Variants in SORCS2 observed in about 807,000 individuals in gnomAD.
SORCS2 encodes sortilin related VPS10 domain containing receptor 2.
SORCS2 carries 100 observed loss-of-function variants against 141.6 expected under a neutral mutation model. That is an observed-to-expected ratio of 0.71 (90% CI 0.60 to 0.83). The LOEUF (loss-of-function observed/expected upper bound fraction) is 0.83, where lower values mean the gene tolerates loss of function less well. Ranked by LOEUF, SORCS2 falls within the 40% of genes least tolerant of loss-of-function variation. SORCS2 has a pLI of 0.00. For synonymous variants in SORCS2, 789 were observed against 676.9 expected, an observed-to-expected ratio of 1.17 and a Z score of -2.57; for missense variants, 1,646 against 1,560.2, an observed-to-expected ratio of 1.05 and a Z score of -0.93.
In SORCS2 at chr4:7,324,441, C is replaced by T. The variant is rs561807359; in HGVS notation, c.481-71847C>T. Among the ~76,000 whole-genome samples, 7 of 152,324 alleles carry T rather than the reference C, an allele frequency of 4.6e-5. No homozygotes were observed. In the South Asian group the frequency reaches 8.3e-4, roughly 18 times the overall value. ...CTGGGCAACAGGCCGGGGAAGGGAC[C>T]GTCTGCCGGCGTCACCATCTCCGCC... On this transcript the variant is annotated intron_variant, in intron 1 of 26. Transcript: ENST00000507866.
In SORCS2 at chr4:7,641,246, C is replaced by G. The variant is rs150462736; in HGVS notation, c.813+2754C>G. Among the ~76,000 whole-genome samples the G allele has an allele frequency of 1.4e-3, 208 of 152,298 alleles. 1 individual carries two copies. The highest frequency in any genetic ancestry group is 4.8e-3 in the African/African-American group (200 of 41,560). On this transcript the variant is annotated intron_variant, in intron 4 of 26. Transcript: ENST00000507866. ...TTTATGAAGAAAGAGGTTTAATTGA[C>G]TCAAAGTTCCACATGGGTGGGGAGG...
chr4:7,294,526 G>C (rs1716820672), intron 1 of SORCS2, among the ~76,000 whole-genome samples: 1 of 149,028 alleles, frequency 6.7e-6, no homozygotes, highest in Admixed American at 6.6e-5. Flanking sequence ...GCCCCAGGGA[G>C]CTCCTCCTCC....
At chr4:7,474,536 C>T (rs1730173578) in intron 2 of SORCS2, among the ~76,000 whole-genome samples, 1 of 152,012 alleles carries the variant, frequency 6.6e-6, no homozygotes, top group Non-Finnish European at 1.5e-5. Flanking sequence ...CAGCAGGGGG[C>T]TCGGAGCAAG....
chr4:7,192,745 G>T lies in SORCS2; in HGVS notation c.99G>T (p.Ser33=). ...GAPPPPRSPR[S]RPLLLLLLLL... ...CGCCGCCGCCGCGCTCGCCGCGCTC[G>T]CGGCCGCTCCTGCTGCTGCTGCTGC... Residue 33 remains serine, a synonymous_variant, in exon 1 of 27, where the codon TCG becomes TCT. Coordinates refer to ENST00000507866, the MANE Select transcript of SORCS2 (RefSeq NM_020777.3). The surrounding 1 kb of genome is among the most constrained non-coding windows in gnomAD (Gnocchi z 4.0). 1.0e-6 allele frequency: 1 copy of T among 994,594 alleles called. No individual in the cohort carries two copies. The highest frequency in any genetic ancestry group is 1.2e-6 in the Non-Finnish European group (1 of 838,106). 61.6% of individuals were successfully genotyped at this position (994,594 alleles called of 1,614,324 possible).
At chr4:7,462,200 C>A (rs1031299259) in intron 2 of SORCS2, among the ~76,000 whole-genome samples, 6 of 152,344 alleles carry the variant, frequency 3.9e-5, no homozygotes, top group African/African-American at 7.2e-5. Context: ...TGGGCGCCAG[C>A]TCTCCTGCCC....
At chr4:7,305,839 G>C (rs1197665969) in intron 1 of SORCS2, among the ~76,000 whole-genome samples, 1 of 152,152 alleles carries the variant, frequency 6.6e-6, no homozygotes, top group Non-Finnish European at 1.5e-5. Flanking sequence ...TCCCCTCCCC[G>C]ATCATCCCCC....
intron 2 of SORCS2, 96 bp from the exon 3 acceptor site, chr4:7,531,434 C>A: frequency 1.7e-6 from 2 of 1,189,162 alleles, no homozygotes; most frequent in Non-Finnish European, 2.4e-6. Context: ...GGCACTCGGC[C>A]CGCACGGGCA....
At chr4:7,431,528 GCAGA>G (rs1348520475) in intron 2 of SORCS2, 12 of 152,322 alleles carry the variant, frequency 7.9e-5, no homozygotes, top group African/African-American at 2.7e-4. Flanking sequence ...CTACCGGCAG[GCAGA>G]CAGAGAGCCT....
chr4:7,215,393 G>A (rs550504358), intron 1 of SORCS2, among the ~76,000 whole-genome samples: 79 of 152,330 alleles, frequency 5.2e-4, no homozygotes, highest in Non-Finnish European at 8.7e-4. Flanking sequence ...CCTGCAGCCC[G>A]CCATGCCTGA....
chr4:7,722,491 C>G (rs983975309), intron 18 of SORCS2, among the ~76,000 whole-genome samples: 1 of 152,182 alleles, frequency 6.6e-6, no homozygotes, highest in East Asian at 1.9e-4. Context: ...GAAGGAGAAT[C>G]CATTTGCACC....
intron 1 of SORCS2, among the ~76,000 whole-genome samples, chr4:7,395,300 T>C (rs545397068): frequency 2.2e-4 from 34 of 152,266 alleles, no homozygotes; most frequent in African/African-American, 7.7e-4. Context: ...AGCCCGACCG[T>C]TGGGGATGAC....
intron 1 of SORCS2, among the ~76,000 whole-genome samples, chr4:7,227,277 C>G (rs1729046784): frequency 6.6e-6 from 1 of 152,246 alleles, no homozygotes; most frequent in Non-Finnish European, 1.5e-5. Context: ...AGCCTGAGGC[C>G]TGGCTGAGGT....
Position 7,396,230 on chromosome 4 carries a change from T to C in SORCS2, c.481-58T>C, listed in dbSNP as rs572334284. 25 of 1,556,196 alleles carry C rather than the reference T, an allele frequency of 1.6e-5. No individual in the cohort carries two copies. In the African/African-American group the frequency reaches 2.7e-4, roughly 17 times the overall value. On this transcript the variant is annotated intron_variant, in intron 1 of 26. Transcript: ENST00000507866. ...GCACGGAGTGGTGTCACTGTACCTCTCTTTGAGAACCTTGGCACCCACTGA... is the reference window on the plus strand; with the variant it reads ...GCACGGAGTGGTGTCACTGTACCTCCCTTTGAGAACCTTGGCACCCACTGA...
chr4:7,416,792 GCA>G (rs36107062), intron 2 of SORCS2, among the ~76,000 whole-genome samples: 6 of 151,190 alleles, frequency 4.0e-5, no homozygotes, highest in Admixed American at 2.6e-4. Context: ...ACACGCTTGT[GCA>G]CACACAAACA....
chr4:7,283,565 C>T (rs1716022235), intron 1 of SORCS2, among the ~76,000 whole-genome samples: 3 of 152,204 alleles, frequency 2.0e-5, no homozygotes, highest in African/African-American at 7.2e-5. Context: ...TGTTCCCCTA[C>T]TCTGGGGTCA....
At chr4:7,576,493 GA>G (rs2108751268) in intron 3 of SORCS2, among the ~76,000 whole-genome samples, 1 of 152,362 alleles carries the variant, frequency 6.6e-6, no homozygotes, top group East Asian at 1.9e-4. Context: ...GTGGGACTGA[GA>G]AGGGGTTGGA....
intron 2 of SORCS2, among the ~76,000 whole-genome samples, chr4:7,495,902 G>A (rs1265160741): frequency 6.6e-6 from 1 of 152,162 alleles, no homozygotes; most frequent in Non-Finnish European, 1.5e-5. Context: ...CTTTACCTGG[G>A]CCACCCAGAG....
chr4:7,582,456 G>A (rs1716220797), intron 3 of SORCS2, among the ~76,000 whole-genome samples: 1 of 152,176 alleles, frequency 6.6e-6, no homozygotes, highest in South Asian at 2.1e-4. Context: ...ACAATTAAAG[G>A]ATAAAACAGG....
intron 1 of SORCS2, among the ~76,000 whole-genome samples, chr4:7,388,695 C>T (rs924556410): frequency 8.5e-5 from 13 of 152,106 alleles, no homozygotes; most frequent in Non-Finnish European, 1.8e-4. Context: ...ACCTCTTTAG[C>T]CATTTTGAAG....
Sources: gnomAD v4.1 joint callset for allele counts (sites outside exome capture counted in the v4.1 genomes callset) on GRCh38, gnomAD v4.1.1 for gene constraint, Gnocchi (gnomAD v3.1) non-coding constraint, MANE v1.5 for transcripts, NCBI Gene and HGNC (gene_info 2026-07-23, HGNC 2026-07-21) for gene names.